The following MYCBP2 variants were observed in gnomAD, a reference collection of about 807,000 sequenced individuals.
The protein encoded by MYCBP2 is E3 ubiquitin-protein ligase MYCBP2.
A neutral mutation model predicts 525.3 loss-of-function variants in MYCBP2; 120 were observed. The ratio of observed to expected loss-of-function variants is 0.23; its 90% confidence interval spans 0.20 to 0.27. The LOEUF is 0.27. MYCBP2 is among the 10% of genes least tolerant of loss of function. The pLI is 1.00. For missense variants in MYCBP2, 4,149 were observed against 5,657.1 expected (o/e 0.73, Z 8.55); for synonymous variants, 1,894 against 1,955.8 (o/e 0.97, Z 0.83).
chr13:77,117,558 A>G (rs1254631265), intron 55 of MYCBP2, among the ~76,000 whole-genome samples: 2 of 152,180 alleles, frequency 1.3e-5, no homozygotes, highest in Non-Finnish European at 2.9e-5. Flanking sequence ...AATGTACTTT[A>G]CCAAAGCAAA....
chr13:77,214,817 G>C (rs1222148972), intron 21 of MYCBP2, among the ~76,000 whole-genome samples: 7 of 152,128 alleles, frequency 4.6e-5, no homozygotes, highest in Non-Finnish European at 1.0e-4. Context: ...AAGTATTTCT[G>C]CATGTAAACA....
At chr13:77,053,130 C>A (rs1343437914) in intron 80 of MYCBP2, among the ~76,000 whole-genome samples, 2 of 150,264 alleles carry the variant, frequency 1.3e-5, no homozygotes, top group African/African-American at 2.5e-5. Context: ...ATGGTGAGAC[C>A]CCGTCTCAAA....
intron 65 of MYCBP2, chr13:77,080,501 C>G (rs1295597038): frequency 4.6e-5 from 7 of 152,142 alleles, no homozygotes; most frequent in Admixed American, 4.6e-4. Context: ...AAATAGGACT[C>G]TTTTTTCTTG....
At chr13:77,258,897 T>C (rs192231611) in intron 13 of MYCBP2, among the ~76,000 whole-genome samples, 128 of 152,220 alleles carry the variant, frequency 8.4e-4, no homozygotes, top group African/African-American at 3.0e-3. Context: ...AAAAGAAAAC[T>C]CTTAAATGTT....
At chr13:77,087,995 G>A (rs995733982) in intron 61 of MYCBP2, among the ~76,000 whole-genome samples, 3 of 151,822 alleles carry the variant, frequency 2.0e-5, no homozygotes, top group African/African-American at 7.3e-5. Flanking sequence ...TGTTGCCCAC[G>A]CTGGTCTCAA....
intron 17 of MYCBP2, among the ~76,000 whole-genome samples, chr13:77,234,660 G>A (rs1478615723): frequency 6.6e-6 from 1 of 151,940 alleles, no homozygotes; most frequent in Non-Finnish European, 1.5e-5. Context: ...CTAAGGTTAT[G>A]TAAACTGAGT....
intron 39 of MYCBP2, among the ~76,000 whole-genome samples, chr13:77,169,366 C>A (rs557497635): frequency 1.6e-4 from 23 of 146,736 alleles, no homozygotes; most frequent in Admixed American, 1.4e-4. Flanking sequence ...ACAGCACTCC[C>A]GCCTGGGTGA....
intron 30 of MYCBP2, among the ~76,000 whole-genome samples, chr13:77,187,028 T>C (rs931664548): frequency 6.6e-6 from 1 of 152,064 alleles, no homozygotes; most frequent in Non-Finnish European, 1.5e-5. Flanking sequence ...CTGGCTGGTC[T>C]TGAACTCCTG....
chr13:77,258,630 A>C (rs1202455710), intron 13 of MYCBP2, among the ~76,000 whole-genome samples: 1 of 152,144 alleles, frequency 6.6e-6, no homozygotes, highest in Non-Finnish European at 1.5e-5. Context: ...TTCACCTTTC[A>C]CTAGTTTAGG....
chr13:77,270,245 C>T, intron 6 of MYCBP2, 51 bp downstream of exon 6: 1 of 1,546,242 alleles, frequency 6.5e-7, no homozygotes. Flanking sequence ...GAACACAATT[C>T]ATTATGGTTA....
intron 4 of MYCBP2, among the ~76,000 whole-genome samples, chr13:77,275,564 C>CTAT (rs1420784867): frequency 6.6e-6 from 1 of 152,120 alleles, no homozygotes; most frequent in Non-Finnish European, 1.5e-5. Flanking sequence ...CAGTGTGTAC[C>CTAT]TATAGTCACA....
rs531463044 is a variant in MYCBP2 at position 77,165,408 on chromosome 13, A to C, written c.6341-17T>G. ...CCTCATTTCCTAATAAAAATGCCAG[A>C]ATTGAGTTCAAACTCTAAAACAATT... On this transcript the variant is annotated splice_polypyrimidine_tract_variant and intron_variant, in intron 41 of 82. Transcript: ENST00000544440. 2.6e-6 allele frequency: 4 copies of C among 1,539,472 alleles called. No individual in the cohort carries two copies. Among genetic ancestry groups the C allele is most frequent in the African/African-American group, 2.8e-5 (2 of 71,706 alleles).
chr13:77,151,897 C>A (rs1326369357), intron 46 of MYCBP2, among the ~76,000 whole-genome samples: 1 of 152,206 alleles, frequency 6.6e-6, no homozygotes, highest in Admixed American at 6.5e-5. Flanking sequence ...CAAATGTACA[C>A]ACAATTTGAA....
chr13:77,179,293 T>C (rs960949435), intron 34 of MYCBP2, among the ~76,000 whole-genome samples: 1 of 152,208 alleles, frequency 6.6e-6, no homozygotes, highest in African/African-American at 2.4e-5. Context: ...GAATATATGC[T>C]GATTATTAAA....
intron 10 of MYCBP2, 25 bp downstream of exon 10, chr13:77,263,626 G>A (rs937464684): frequency 1.3e-6 from 2 of 1,591,630 alleles, no homozygotes; most frequent in South Asian, 1.1e-5. Flanking sequence ...AAAATATAGG[G>A]AAAACACTTA....
Position 77,160,431 on chromosome 13 carries a change from G to A in MYCBP2, c.6597+1475C>T, listed in dbSNP as rs1444986146. Among the ~76,000 whole-genome samples the A allele has an allele frequency of 2.6e-5, 4 of 152,162 alleles. No homozygotes were observed. The East Asian group carries it at 7.7e-4, about 29-fold the overall frequency. ...GTTTAAAATAGTGCTTGACAAAGAT[G>A]AAATAAATGTTTTCATTATTACCGC... On this transcript the variant is annotated intron_variant, in intron 44 of 82. Coordinates refer to ENST00000544440, the MANE Select transcript of MYCBP2 (RefSeq NM_015057.5).
At chr13:77,211,711 T>G (rs1257002274) in intron 22 of MYCBP2, among the ~76,000 whole-genome samples, 1 of 152,234 alleles carries the variant, frequency 6.6e-6, no homozygotes, top group African/African-American at 2.4e-5. Flanking sequence ...CCTACTAGAA[T>G]TTAGTTTATA....
At chr13:77,276,074 T>C (rs868286488) in intron 4 of MYCBP2, among the ~76,000 whole-genome samples, 4 of 152,232 alleles carry the variant, frequency 2.6e-5, no homozygotes, top group South Asian at 4.1e-4. Context: ...AACTCTCTGA[T>C]GCTAAGTTCC....
At chr13:77,160,048 G>T (rs555051250) in intron 44 of MYCBP2, among the ~76,000 whole-genome samples, 14 of 151,258 alleles carry the variant, frequency 9.3e-5, no homozygotes, top group Non-Finnish European at 1.6e-4. Flanking sequence ...TCAGAAGACA[G>T]TGTTCAAAAT....
Sources: allele counts gnomAD v4.1 joint callset (sites outside exome capture counted in the v4.1 genomes callset), GRCh38; gene constraint gnomAD v4.1.1; transcripts MANE v1.5; gene names NCBI Gene and HGNC (gene_info 2026-07-23, HGNC 2026-07-21).